SLC22A3: variants seen among roughly 807,000 people sequenced by gnomAD.
SLC22A3 encodes the protein EMT organic cation transporter 3.
In SLC22A3, 51 loss-of-function variants were observed where a neutral mutation model predicts 59.1. The ratio of observed to expected loss-of-function variants is 0.86; its 90% CI spans 0.69 to 1.09. The LOEUF (loss-of-function observed/expected upper bound fraction) is 1.09. Ranked by LOEUF, SLC22A3 falls within the 50% of genes least tolerant of loss-of-function variation. The pLI is 0.00. For missense variants in SLC22A3, 711 were observed against 726.3 expected (o/e 0.98, Z 0.24); for synonymous variants, 325 against 292.0 (o/e 1.11, Z -1.15).
Position 160,442,953 on chromosome 6 carries a change from C to A in SLC22A3, c.1397+84C>A. ...TTGATTTAGTTAAAAACTATGAAGT[C>A]GTTTCCTTAGCTCAGTGATATATTA... On this transcript the variant is annotated intron_variant, in intron 8 of 10. Transcript: ENST00000275300. The A allele has an allele frequency of 2.8e-6, 3 of 1,073,938 alleles. No homozygotes were observed. In the South Asian group the frequency reaches 4.0e-5, roughly 14 times the overall value. 66.5% of individuals were successfully genotyped at this position (1,073,938 alleles called of 1,614,324 possible).
At chr6:160,425,614 AC>A (rs1293185408) in intron 5 of SLC22A3, among the ~76,000 whole-genome samples, 1 of 152,180 alleles carries the variant, frequency 6.6e-6, no homozygotes, top group Non-Finnish European at 1.5e-5. Context: ...GCACAATATA[AC>A]TAAACACGAA....
At chr6:160,427,041 T>C (rs1787987359) in intron 5 of SLC22A3, among the ~76,000 whole-genome samples, 2 of 152,052 alleles carry the variant, frequency 1.3e-5, no homozygotes, top group South Asian at 2.1e-4. Context: ...ACTGGAGCAC[T>C]TGGAAAACAG....
At position 160,372,151 on chromosome 6, in the gene SLC22A3, G is replaced by C. The variant is rs78656926; in HGVS notation, c.429+23303G>C. 5.7e-4 allele frequency among the ~76,000 whole-genome samples: 86 copies of C among 152,144 alleles called. No homozygotes were observed. The East Asian group carries it at 0.015, about 26-fold the overall frequency. On this transcript the variant is annotated intron_variant, in intron 1 of 10. Transcript: ENST00000275300. ...CGAAGAACTTGCTTTATGAATCTGG[G>C]TACTCTTGTATTGTGTACATATATA...
chr6:160,402,429 A>G (rs1034743284), intron 2 of SLC22A3, among the ~76,000 whole-genome samples: 3 of 151,888 alleles, frequency 2.0e-5, no homozygotes, highest in African/African-American at 7.2e-5. Flanking sequence ...AGATTAATCC[A>G]CGATTTCACT....
intron 1 of SLC22A3, among the ~76,000 whole-genome samples, chr6:160,386,794 T>G (rs1786037229): frequency 6.6e-6 from 1 of 152,226 alleles, no homozygotes; most frequent in Non-Finnish European, 1.5e-5. Context: ...TCATTATTGC[T>G]GTTGCTTTGG....
chr6:160,366,131 C>G (rs1225721639), intron 1 of SLC22A3, among the ~76,000 whole-genome samples: 1 of 152,180 alleles, frequency 6.6e-6, no homozygotes, highest in East Asian at 1.9e-4. Flanking sequence ...GTCCTCCCAT[C>G]TCAAAACACA....
chr6:160,386,614 G>A (rs1386751693), intron 1 of SLC22A3, among the ~76,000 whole-genome samples: 1 of 152,198 alleles, frequency 6.6e-6, no homozygotes, highest in Non-Finnish European at 1.5e-5. Context: ...GAGTGGGCAG[G>A]AAAGTGGACA....
intron 5 of SLC22A3, among the ~76,000 whole-genome samples, chr6:160,417,805 C>T (rs1380950154): frequency 1.3e-5 from 2 of 152,140 alleles, no homozygotes; most frequent in Non-Finnish European, 2.9e-5. Context: ...TTTATCTCTG[C>T]ACCTCAGCCA....
At chr6:160,439,042 T>C (rs1380346438) in intron 7 of SLC22A3, among the ~76,000 whole-genome samples, 1 of 152,094 alleles carries the variant, frequency 6.6e-6, no homozygotes, top group Non-Finnish European at 1.5e-5. Context: ...GGAGACACTG[T>C]TCAACCCACT....
At chr6:160,375,693 A>G (rs1205738775) in intron 1 of SLC22A3, among the ~76,000 whole-genome samples, 1 of 152,248 alleles carries the variant, frequency 6.6e-6, no homozygotes, top group East Asian at 1.9e-4. Context: ...TTAAATTCTG[A>G]AAGTCTTGCA....
At chr6:160,429,548 G>A (rs1333801161) in intron 5 of SLC22A3, among the ~76,000 whole-genome samples, 1 of 152,164 alleles carries the variant, frequency 6.6e-6, no homozygotes, top group Non-Finnish European at 1.5e-5. Flanking sequence ...AGCCGATGAG[G>A]TGGGATTGCT....
At chr6:160,401,616 C>A (rs947856873) in intron 2 of SLC22A3, among the ~76,000 whole-genome samples, 9 of 151,812 alleles carry the variant, frequency 5.9e-5, no homozygotes, top group Admixed American at 3.9e-4. Flanking sequence ...GAGGAATAAG[C>A]AATTGAGAAT....
intron 1 of SLC22A3, among the ~76,000 whole-genome samples, chr6:160,354,903 T>C (rs1465424450): frequency 6.6e-6 from 1 of 152,168 alleles, no homozygotes; most frequent in Non-Finnish European, 1.5e-5. Context: ...AGAGGCCACG[T>C]GTCTGAGTCC....
At chr6:160,388,209 C>A (rs1786100024) in intron 1 of SLC22A3, among the ~76,000 whole-genome samples, 1 of 152,158 alleles carries the variant, frequency 6.6e-6, no homozygotes, top group Admixed American at 6.5e-5. Flanking sequence ...AAAACAGATG[C>A]ATTAAGTTTG....
intron 1 of SLC22A3, among the ~76,000 whole-genome samples, chr6:160,360,878 AGAAT>A (rs1228819622): frequency 6.6e-6 from 1 of 152,192 alleles, no homozygotes; most frequent in African/African-American, 2.4e-5. Flanking sequence ...ATCAGTTAGA[AGAAT>A]GAAGAGGCCA....
intron 1 of SLC22A3, among the ~76,000 whole-genome samples, chr6:160,355,572 T>C (rs1019397496): frequency 2.7e-5 from 4 of 150,062 alleles, no homozygotes; most frequent in East Asian, 3.9e-4. Context: ...CCATCCTGGC[T>C]AACACGGTGA....
intron 1 of SLC22A3, among the ~76,000 whole-genome samples, chr6:160,392,105 G>C (rs1786281635): frequency 6.6e-6 from 1 of 152,116 alleles, no homozygotes; most frequent in Admixed American, 6.5e-5. Flanking sequence ...TCTTGGCCCT[G>C]GACCCACACT....
intron 1 of SLC22A3, among the ~76,000 whole-genome samples, chr6:160,392,307 C>A (rs1165764534): frequency 1.3e-5 from 2 of 152,164 alleles, no homozygotes; most frequent in East Asian, 3.9e-4. Flanking sequence ...CATTGTGGGA[C>A]CTTCTCTGGT....
chr6:160,441,170 C>T (rs984171672), intron 7 of SLC22A3, among the ~76,000 whole-genome samples: 3 of 152,060 alleles, frequency 2.0e-5, no homozygotes, highest in African/African-American at 7.2e-5. Flanking sequence ...TCACTGCAGC[C>T]CGGGAGTGGC....
Sources: gnomAD v4.1 joint callset for allele counts (sites outside exome capture counted in the v4.1 genomes callset) on GRCh38, gnomAD v4.1.1 for gene constraint, MANE v1.5 for transcripts, NCBI Gene and HGNC (gene_info 2026-07-23, HGNC 2026-07-21) for gene names.